CNTN4: variants seen among roughly 807,000 people sequenced by gnomAD.
CNTN4 encodes contactin-4.
CNTN4 carries 77 observed loss-of-function variants against 122.5 expected under a neutral mutation model. That is an observed-to-expected ratio of 0.63 (90% CI 0.52 to 0.76). CNTN4 has a LOEUF of 0.76. Ranked by LOEUF, CNTN4 falls within the 30% of genes least tolerant of loss-of-function variation. CNTN4 has a pLI of 0.00. For missense variants in CNTN4, 1,256 were observed against 1,259.1 expected (o/e 1.00, Z 0.04); for synonymous variants, 512 against 447.0 (o/e 1.15, Z -1.83).
chr3:2,571,042 G>A (rs1475335565), intron 3 of CNTN4, among the ~76,000 whole-genome samples: 1 of 139,020 alleles, frequency 7.2e-6, no homozygotes, highest in Non-Finnish European at 1.5e-5. Flanking sequence ...CTTGTTCTGT[G>A]GCAGTTCTGT....
chr3:2,372,897 A>T (rs2045683674), intron 3 of CNTN4, among the ~76,000 whole-genome samples: 1 of 152,092 alleles, frequency 6.6e-6, no homozygotes, highest in Non-Finnish European at 1.5e-5. Flanking sequence ...AAAATACAAA[A>T]ATTAGCCAGG....
intron 3 of CNTN4, among the ~76,000 whole-genome samples, chr3:2,398,762 C>T (rs942571443): frequency 2.6e-5 from 4 of 152,150 alleles, no homozygotes; most frequent in Admixed American, 2.0e-4. Flanking sequence ...CCCTGAAACA[C>T]TTGGAAATGA....
chr3:2,457,775 T>A (rs1028675637), intron 3 of CNTN4, among the ~76,000 whole-genome samples: 3 of 152,144 alleles, frequency 2.0e-5, no homozygotes, highest in Non-Finnish European at 4.4e-5. Context: ...CCCTGTGTAA[T>A]TCATTAAGCA....
intron 3 of CNTN4, among the ~76,000 whole-genome samples, chr3:2,492,777 T>C (rs2076353225): frequency 6.6e-6 from 1 of 152,194 alleles, no homozygotes; most frequent in South Asian, 2.1e-4. Context: ...TTGGATTAGC[T>C]GTCTTTGTTG....
intron 2 of CNTN4, among the ~76,000 whole-genome samples, chr3:2,120,374 AATATATATATATAT>A (rs1185851358): frequency 3.4e-5 from 2 of 59,094 alleles, no homozygotes; most frequent in Admixed American, 2.0e-4. Flanking sequence ...TATATATATA[AATATATATATATAT>A]ATATATATAT....
intron 6 of CNTN4, among the ~76,000 whole-genome samples, chr3:2,787,465 A>T (rs1015804342): frequency 6.6e-6 from 1 of 152,220 alleles, no homozygotes; most frequent in Non-Finnish European, 1.5e-5. Context: ...GAGGAGATAT[A>T]TAGTGATCAT....
rs73804594 is a variant in CNTN4 at position 2,457,071 on chromosome 3, G to T, written c.-88-114345G>T. On this transcript the variant is annotated intron_variant, in intron 3 of 24. Transcript: ENST00000418658. ...GCTGAGATTAAACCCAATGAGCCAG[G>T]TTCCTGAGTCTGTACTCTATACTCT... 5.2e-3 allele frequency among the ~76,000 whole-genome samples: 793 copies of T among 152,110 alleles called. 10 individuals carry two copies. The highest frequency in any genetic ancestry group is 0.018 in the African/African-American group (732 of 41,498).
At chr3:2,310,154 G>A (rs1422212435) in intron 2 of CNTN4, among the ~76,000 whole-genome samples, 1 of 152,122 alleles carries the variant, frequency 6.6e-6, no homozygotes, top group East Asian at 1.9e-4. Flanking sequence ...TCTCATGATT[G>A]AGACATTACG....
chr3:2,772,479 G>A (rs1004387247), intron 6 of CNTN4, among the ~76,000 whole-genome samples: 6 of 152,052 alleles, frequency 3.9e-5, no homozygotes, highest in African/African-American at 1.4e-4. Context: ...TGTCTTGGAT[G>A]GTGGGGTATC....
intron 3 of CNTN4, among the ~76,000 whole-genome samples, chr3:2,358,015 T>C (rs1502575): frequency 0.13 from 19,103 of 152,244 alleles, 1,497 homozygotes; most frequent in Non-Finnish European, 0.18. Context: ...AAACCGTATG[T>C]AGCAGCATCA....
chr3:2,432,185 A>G (rs942680655), intron 3 of CNTN4, among the ~76,000 whole-genome samples: 1 of 152,218 alleles, frequency 6.6e-6, no homozygotes, highest in South Asian at 2.1e-4. Flanking sequence ...GTAACTAAAC[A>G]TCTGCCATTG....
chr3:2,872,862 T>A (rs989461913), intron 8 of CNTN4, among the ~76,000 whole-genome samples: 1 of 152,176 alleles, frequency 6.6e-6, no homozygotes, highest in Non-Finnish European at 1.5e-5. Context: ...AATTAAAATG[T>A]TTAAAATGTT....
At chr3:2,456,664 C>T (rs73804590) in intron 3 of CNTN4, among the ~76,000 whole-genome samples, 3,425 of 152,160 alleles carry the variant, frequency 0.023, 126 homozygotes, top group African/African-American at 0.077. Context: ...CATGATATGT[C>T]TGAGACTCAT....
intron 2 of CNTN4, among the ~76,000 whole-genome samples, chr3:2,159,618 T>A (rs1283432228): frequency 6.6e-6 from 1 of 152,206 alleles, no homozygotes; most frequent in East Asian, 1.9e-4. Context: ...ATTTTGAGCA[T>A]TCCCCTTCAC....
chr3:2,272,167 G>T (rs1241519471), intron 2 of CNTN4, among the ~76,000 whole-genome samples: 2 of 151,516 alleles, frequency 1.3e-5, no homozygotes, highest in Non-Finnish European at 2.9e-5. Flanking sequence ...AAAATTACAA[G>T]TTTTTTTTCT....
intron 6 of CNTN4, among the ~76,000 whole-genome samples, chr3:2,790,239 G>A (rs1325125881): frequency 6.6e-6 from 1 of 152,154 alleles, no homozygotes; most frequent in East Asian, 1.9e-4. Flanking sequence ...GCCTCACCTG[G>A]ATGAGGTTCC....
At chr3:2,112,184 T>C (rs1246642387) in intron 2 of CNTN4, among the ~76,000 whole-genome samples, 3 of 152,176 alleles carry the variant, frequency 2.0e-5, no homozygotes, top group Admixed American at 6.5e-5. Context: ...CTGAATAGGC[T>C]CTCATCTGTA....
chr3:2,842,168 C>A (rs2093373229), intron 7 of CNTN4, among the ~76,000 whole-genome samples: 1 of 152,144 alleles, frequency 6.6e-6, no homozygotes, highest in Non-Finnish European at 1.5e-5. Flanking sequence ...ATCACTCTTT[C>A]TTTAAAGAGT....
intron 14 of CNTN4, among the ~76,000 whole-genome samples, chr3:3,016,144 G>A (rs543185255): frequency 6.6e-6 from 1 of 152,224 alleles, no homozygotes; most frequent in South Asian, 2.1e-4. Context: ...TTCCATCACA[G>A]TCAAAGGCAC....
Sources: gnomAD v4.1 joint callset for allele counts (sites outside exome capture counted in the v4.1 genomes callset) on GRCh38, gnomAD v4.1.1 for gene constraint, MANE v1.5 for transcripts, NCBI Gene and HGNC (gene_info 2026-07-23, HGNC 2026-07-21) for gene names.